The following PTPRD variants were observed in gnomAD, a reference collection of about 807,000 sequenced individuals.
The protein encoded by PTPRD is receptor-type tyrosine-protein phosphatase delta.
In PTPRD, 34 loss-of-function variants were observed where a neutral mutation model predicts 214.5. That is an observed-to-expected ratio of 0.16 (90% CI 0.12 to 0.21). The LOEUF is 0.21. Among genes scored for constraint, PTPRD ranks in the 10% least tolerant of loss-of-function variants. The pLI, the probability that PTPRD is intolerant of heterozygous loss-of-function variation, is 1.00. For synonymous variants in PTPRD, 1,128 were observed against 845.7 expected, an observed-to-expected ratio of 1.33 and a Z score of -5.79; for missense variants, 2,545 against 2,398.7, an observed-to-expected ratio of 1.06 and a Z score of -1.27.
intron 2 of PTPRD, among the ~76,000 whole-genome samples, chr9:10,566,694 T>A (rs146282963): frequency 2.6e-5 from 4 of 152,022 alleles, no homozygotes; most frequent in Non-Finnish European, 5.9e-5. Context: ...TTAATGCAAC[T>A]GAAGTCAGCT....
intron 2 of PTPRD, among the ~76,000 whole-genome samples, chr9:10,560,816 G>C (rs967697512): frequency 6.6e-6 from 1 of 152,284 alleles, no homozygotes; most frequent in South Asian, 2.1e-4. Flanking sequence ...TATTTCAAGT[G>C]TTCAATAGCA....
In PTPRD at chr9:9,666,307, G is replaced by A. The variant is rs55815327; in HGVS notation, c.-287+68226C>T. 3.4e-3 allele frequency among the ~76,000 whole-genome samples: 520 copies of A among 151,980 alleles called. 2 individuals carry two copies. The highest frequency in any genetic ancestry group is 5.9e-3 in the Non-Finnish European group (401 of 67,834). On this transcript the variant is annotated intron_variant, in intron 7 of 45. Transcript: ENST00000381196. ...GAGTAGGACTATATTTTATTGACAT[G>A]TAAAGATGTCTATGATATATTGTTT... is the stretch of plus-strand genomic sequence containing the variant.
intron 4 of PTPRD, among the ~76,000 whole-genome samples, chr9:9,956,917 GAT>G (rs1410889017): frequency 6.6e-6 from 1 of 152,050 alleles, no homozygotes; most frequent in Non-Finnish European, 1.5e-5. Context: ...AAGAAAAGAT[GAT>G]GTTTATGTTA....
chr9:8,940,280 C>CCCTTTGTT (rs763715400), intron 11 of PTPRD, among the ~76,000 whole-genome samples: 1 of 89,052 alleles, frequency 1.1e-5, no homozygotes, highest in Non-Finnish European at 2.1e-5. Flanking sequence ...TCTCTCTCTC[C>CCCTTTGTT]TTTTTTTTTT....
intron 9 of PTPRD, among the ~76,000 whole-genome samples, chr9:9,260,045 G>A (rs952246161): frequency 6.6e-6 from 1 of 151,840 alleles, no homozygotes; most frequent in Non-Finnish European, 1.5e-5. Flanking sequence ...TGGAGAGAAT[G>A]CCAGAAAAGT....
intron 2 of PTPRD, among the ~76,000 whole-genome samples, chr9:10,453,495 T>G (rs1484264460): frequency 1.3e-5 from 2 of 151,684 alleles, no homozygotes; most frequent in Admixed American, 1.3e-4. Flanking sequence ...CTCAATGTTT[T>G]ATAGTTTTCA....
At chr9:8,523,403 A>G in intron 19 of PTPRD, 110 bp downstream of exon 19, 1 of 1,331,050 alleles carries the variant, frequency 7.5e-7, no homozygotes, top group Non-Finnish European at 1.1e-6. Flanking sequence ...AAAACATACC[A>G]TTAACCAAAA....
At chr9:10,173,562 G>T (rs1355993769) in intron 3 of PTPRD, among the ~76,000 whole-genome samples, 1 of 151,904 alleles carries the variant, frequency 6.6e-6, no homozygotes, top group East Asian at 1.9e-4. Flanking sequence ...ATTTACATAG[G>T]AATATTCTCC....
chr9:8,802,091 T>C (rs138720245), intron 11 of PTPRD, among the ~76,000 whole-genome samples: 241 of 152,326 alleles, frequency 1.6e-3, no homozygotes, highest in East Asian at 9.3e-3. Context: ...ATGATTAAAT[T>C]GCTCTCTTAA....
chr9:9,423,092 G>T (rs1041225974), intron 8 of PTPRD, among the ~76,000 whole-genome samples: 10 of 152,076 alleles, frequency 6.6e-5, no homozygotes, highest in Non-Finnish European at 1.2e-4. Context: ...TGTTTGGAGG[G>T]ATATATTCTG....
chr9:9,892,922 G>C (rs1385538449), intron 5 of PTPRD, among the ~76,000 whole-genome samples: 1 of 152,012 alleles, frequency 6.6e-6, no homozygotes, highest in African/African-American at 2.4e-5. Flanking sequence ...AAAATAAAAG[G>C]AGAGATTCAT....
intron 10 of PTPRD, among the ~76,000 whole-genome samples, chr9:9,176,747 C>T (rs1386216657): frequency 2.0e-5 from 3 of 152,266 alleles, no homozygotes; most frequent in African/African-American, 7.2e-5. Context: ...TCACTTCCAC[C>T]TTCTTCCCTT....
chr9:9,478,321 T>C (rs2095214833), intron 8 of PTPRD, among the ~76,000 whole-genome samples: 1 of 152,222 alleles, frequency 6.6e-6, no homozygotes, highest in South Asian at 2.1e-4. Flanking sequence ...ATCTTCTTAG[T>C]TCTGAAATGC....
chr9:10,514,272 T>C (rs2049250044), intron 2 of PTPRD, among the ~76,000 whole-genome samples: 1 of 151,938 alleles, frequency 6.6e-6, no homozygotes, highest in Admixed American at 6.6e-5. Context: ...ATTTTTCTTT[T>C]ATGTATTTTT....
At chr9:9,306,647 G>A (rs1957250978) in intron 9 of PTPRD, among the ~76,000 whole-genome samples, 1 of 150,994 alleles carries the variant, frequency 6.6e-6, no homozygotes, top group Non-Finnish European at 1.5e-5. Context: ...AGAAAATGAA[G>A]GCACACATTT....
chr9:9,937,188 C>A (rs1029208715), intron 5 of PTPRD, among the ~76,000 whole-genome samples: 41 of 151,384 alleles, frequency 2.7e-4, no homozygotes, highest in African/African-American at 9.9e-4. Context: ...AACTAACCTG[C>A]ACAATGTGCA....
chr9:8,437,137 G>A, intron 34 of PTPRD: 1 of 1,205,754 alleles, frequency 8.3e-7, no homozygotes, highest in Non-Finnish European at 1.1e-6. Context: ...GCCTAAAAGG[G>A]AAAGAGTAGT....
chr9:9,249,062 C>G (rs1158958625), intron 9 of PTPRD, among the ~76,000 whole-genome samples: 1 of 151,998 alleles, frequency 6.6e-6, no homozygotes, highest in Non-Finnish European at 1.5e-5. Context: ...GAAGTGGGGC[C>G]CAGTGGGAGG....
chr9:9,811,383 T>C (rs963175481), intron 5 of PTPRD, among the ~76,000 whole-genome samples: 3 of 152,050 alleles, frequency 2.0e-5, no homozygotes, highest in Non-Finnish European at 4.4e-5. Flanking sequence ...GATGAAACTT[T>C]AACAAATGAG....
Sources: gnomAD v4.1 joint callset for allele counts (sites outside exome capture counted in the v4.1 genomes callset) on GRCh38, gnomAD v4.1.1 for gene constraint, MANE v1.5 for transcripts, NCBI Gene and HGNC (gene_info 2026-07-23, HGNC 2026-07-21) for gene names.